Variants in MAST4 observed in about 807,000 individuals in gnomAD.
The protein encoded by MAST4 is microtubule-associated serine/threonine-protein kinase 4.
A neutral mutation model predicts 162.7 loss-of-function variants in MAST4; 89 were observed. The observed-to-expected ratio is 0.55, with a 90% CI of 0.46 to 0.65. MAST4 has a LOEUF of 0.65. MAST4 is among the 30% of genes least tolerant of loss of function. The pLI is 0.00. For synonymous variants in MAST4, 1,479 were observed against 1,361.1 expected, an observed-to-expected ratio of 1.09 and a Z score of -1.91; for missense variants, 3,153 against 3,374.0, an observed-to-expected ratio of 0.93 and a Z score of 1.62.
intron 3 of MAST4, among the ~76,000 whole-genome samples, chr5:66,831,701 T>G (rs567250989): frequency 6.6e-6 from 1 of 152,350 alleles, no homozygotes; most frequent in South Asian, 2.1e-4. Flanking sequence ...GTATTCATAT[T>G]TCCAGTACTA....
At chr5:66,665,846 G>T (rs923396946) in intron 1 of MAST4, among the ~76,000 whole-genome samples, 1 of 152,170 alleles carries the variant, frequency 6.6e-6, no homozygotes, top group African/African-American at 2.4e-5. Context: ...TATTGAATGA[G>T]ATAATAAATA....
At chr5:67,125,416 C>T (rs187954299) in intron 14 of MAST4, among the ~76,000 whole-genome samples, 2,828 of 152,026 alleles carry the variant, frequency 0.019, 38 homozygotes, top group South Asian at 0.041. Flanking sequence ...CCCAACTCCC[C>T]GACAGGCCCC....
chr5:67,042,175 C>T (rs1756826920), intron 4 of MAST4, among the ~76,000 whole-genome samples: 1 of 152,028 alleles, frequency 6.6e-6, no homozygotes, highest in Non-Finnish European at 1.5e-5. Context: ...TCTAATGTAC[C>T]CTGGTTGTGG....
chr5:66,769,231 T>A (rs1188647636), intron 2 of MAST4, among the ~76,000 whole-genome samples: 1 of 151,898 alleles, frequency 6.6e-6, no homozygotes, highest in African/African-American at 2.4e-5. Context: ...ATAAGAGTGG[T>A]GAGGAGGGTG....
rs180986239 is a variant in MAST4, at chr5:66,938,917, G to T, written c.674+38935G>T. On this transcript the variant is annotated intron_variant, in intron 4 of 28. Coordinates refer to ENST00000403625, the MANE Select transcript of MAST4 (RefSeq NM_001164664.2). Reference sequence around the variant, plus strand: ...GAGATAATAGTGAAAAATAAAGGTTGGGGAACACTGATTTAGAGCCTTTTC... The same window carrying T: ...GAGATAATAGTGAAAAATAAAGGTTTGGGAACACTGATTTAGAGCCTTTTC... 4.7e-3 allele frequency among the ~76,000 whole-genome samples: 722 copies of T among 152,188 alleles called. 4 individuals carry two copies. The highest frequency in any genetic ancestry group is 0.016 in the African/African-American group (678 of 41,530).
rs1260597165 is a variant in MAST4 at position 66,759,725 on chromosome 5, C to T, written c.380C>T (p.Ser127Phe). 5 of 1,613,918 alleles carry T rather than the reference C, an allele frequency of 3.1e-6. No homozygotes were observed. The highest frequency in any genetic ancestry group is 4.5e-5 in the East Asian group (2 of 44,892). Residue 127 changes from serine to phenylalanine, a missense_variant, in exon 2 of 29, where the codon TCC becomes TTC. This residue lies in a region of MAST4 where 327 missense variants were observed against 336.5 expected (regional missense o/e 0.97). Coordinates refer to ENST00000403625, the MANE Select transcript of MAST4 (RefSeq NM_001164664.2). ...EQDEELDHIL[S>F]PPPMPFRKCS... ...TTTCTGCAGCTTGACCACATATTAT[C>T]CCCTCCACCCATGCCGTTTCGGAAA... is the stretch of plus-strand genomic sequence containing the variant.
At chr5:67,128,902 C>A (rs912464855) in intron 14 of MAST4, among the ~76,000 whole-genome samples, 1 of 152,164 alleles carries the variant, frequency 6.6e-6, no homozygotes, top group African/African-American at 2.4e-5. Flanking sequence ...CCTGTTCCCC[C>A]ATGATATTGA....
At chr5:66,644,454 C>T (rs1278649276) in intron 1 of MAST4, among the ~76,000 whole-genome samples, 1 of 152,146 alleles carries the variant, frequency 6.6e-6, no homozygotes, top group Non-Finnish European at 1.5e-5. Context: ...TGCTTTGTTT[C>T]TTCATTCAAC....
chr5:66,873,505 T>C (rs995597290), intron 3 of MAST4, among the ~76,000 whole-genome samples: 3 of 152,184 alleles, frequency 2.0e-5, no homozygotes, highest in Non-Finnish European at 2.9e-5. Context: ...AGAACACTGA[T>C]TTTATTGTGA....
intron 1 of MAST4, among the ~76,000 whole-genome samples, chr5:66,704,209 G>C (rs559636647): frequency 2.2e-4 from 34 of 152,194 alleles, no homozygotes; most frequent in Admixed American, 1.9e-3. Context: ...AGTACACACC[G>C]TTGGGTTGAC....
intron 4 of MAST4, among the ~76,000 whole-genome samples, chr5:66,948,944 C>A (rs2150124669): frequency 6.6e-6 from 1 of 152,182 alleles, no homozygotes; most frequent in East Asian, 1.9e-4. Flanking sequence ...CACACCCCCC[C>A]AACAATTTTT....
At chr5:66,729,715 A>G (rs1751727377) in intron 1 of MAST4, among the ~76,000 whole-genome samples, 1 of 152,186 alleles carries the variant, frequency 6.6e-6, no homozygotes, top group African/African-American at 2.4e-5. Flanking sequence ...GAAGGCACAA[A>G]AGATTAGACG....
At chr5:66,990,236 T>G (rs556241739) in intron 4 of MAST4, among the ~76,000 whole-genome samples, 1 of 152,310 alleles carries the variant, frequency 6.6e-6, no homozygotes, top group East Asian at 1.9e-4. Context: ...AACAGTCCTA[T>G]GAGGTAAGTA....
intron 3 of MAST4, among the ~76,000 whole-genome samples, chr5:66,791,737 T>C (rs1036909093): frequency 1.3e-5 from 2 of 152,204 alleles, no homozygotes; most frequent in Non-Finnish European, 2.9e-5. Flanking sequence ...CATTTACTAC[T>C]AGATAGTGAA....
intron 5 of MAST4, among the ~76,000 whole-genome samples, chr5:67,062,577 ACCT>A (rs1336659215): frequency 2.0e-5 from 3 of 152,148 alleles, no homozygotes; most frequent in African/African-American, 7.2e-5. Flanking sequence ...CAAGGCAATG[ACCT>A]CCTTTAGCTG....
chr5:66,913,433 C>T (rs1161446506), intron 4 of MAST4, among the ~76,000 whole-genome samples: 1 of 152,202 alleles, frequency 6.6e-6, no homozygotes, highest in South Asian at 2.1e-4. Context: ...TGAGATTCGT[C>T]CATGTCATAG....
At chr5:66,857,088 C>G (rs1759743029) in intron 3 of MAST4, among the ~76,000 whole-genome samples, 1 of 152,202 alleles carries the variant, frequency 6.6e-6, no homozygotes, top group East Asian at 1.9e-4. Flanking sequence ...TCTCTGCCCT[C>G]CCTCCCAGAA....
intron 27 of MAST4, among the ~76,000 whole-genome samples, chr5:67,162,123 C>G (rs561753955): frequency 6.6e-6 from 1 of 152,266 alleles, no homozygotes; most frequent in East Asian, 1.9e-4. Context: ...ATTCAAGAGC[C>G]CACAATGGAA....
At chr5:67,138,442 T>G (rs1769946938) in intron 19 of MAST4, among the ~76,000 whole-genome samples, 1 of 152,106 alleles carries the variant, frequency 6.6e-6, no homozygotes, top group Non-Finnish European at 1.5e-5. Context: ...GTGGTTTGTT[T>G]GTTTGTTTAG....
Sources: gnomAD v4.1 joint callset for allele counts (sites outside exome capture counted in the v4.1 genomes callset) on GRCh38, gnomAD v4.1.1 for gene constraint, gnomAD v4.1.1 regional missense constraint, MANE v1.5 for transcripts, NCBI Gene and HGNC (gene_info 2026-07-23, HGNC 2026-07-21) for gene names.